KCNIP4: variants seen among roughly 807,000 people sequenced by gnomAD.
KCNIP4 encodes Kv channel-interacting protein 4.
In KCNIP4, 12 loss-of-function variants were observed where a neutral mutation model predicts 34.0. That is an observed-to-expected ratio of 0.35 (90% confidence interval 0.23 to 0.57). The LOEUF (loss-of-function observed/expected upper bound fraction) is 0.57. Among genes scored for constraint, KCNIP4 ranks in the 20% least tolerant of loss-of-function variants. The pLI is 0.83. For synonymous variants in KCNIP4, 124 were observed against 102.2 expected (o/e 1.21, Z -1.29); for missense variants, 238 against 311.7 (o/e 0.76, Z 1.78).
intron 1 of KCNIP4, among the ~76,000 whole-genome samples, chr4:21,938,966 C>G (rs757847226): frequency 5.9e-5 from 9 of 152,048 alleles, no homozygotes; most frequent in Non-Finnish European, 1.0e-4. Flanking sequence ...TAATAACATT[C>G]TCAAAAATAT....
At position 20,729,350 on chromosome 4, in the gene KCNIP4, C is replaced by CTGTAAGAAAGATTGAACAAAT. The variant is rs1553881375; in HGVS notation, c.*711_*731dup. ...AATGATTGATACAATAGAAAACAGCCTGTAAGAAAGATTGAACAAATCCAA... is the reference window on the plus strand; with the variant it reads ...AATGATTGATACAATAGAAAACAGCCTGTAAGAAAGATTGAACAAATTGTAAGAAAGATTGAACAAATCCAA... On this transcript the variant is annotated 3_prime_UTR_variant, in exon 9 of 9. Transcript: ENST00000382152. 18 of 152,078 alleles carry CTGTAAGAAAGATTGAACAAAT rather than the reference C, an allele frequency of 1.2e-4. No individual in the cohort carries two copies. Among genetic ancestry groups the CTGTAAGAAAGATTGAACAAAT allele is most frequent in the African/African-American group, 4.1e-4 (17 of 41,352 alleles). 9.4% of individuals were successfully genotyped at this position (152,078 alleles called of 1,614,324 possible).
At chr4:20,872,939 C>G (rs1323341771) in intron 2 of KCNIP4, among the ~76,000 whole-genome samples, 1 of 152,210 alleles carries the variant, frequency 6.6e-6, no homozygotes, top group Non-Finnish European at 1.5e-5. Flanking sequence ...AAACTACCAT[C>G]TCTCCCTAAC....
chr4:20,853,152 C>CA (rs1577254292), intron 2 of KCNIP4, among the ~76,000 whole-genome samples: 1 of 151,952 alleles, frequency 6.6e-6, no homozygotes, highest in African/African-American at 2.4e-5. Flanking sequence ...CATGTGGAAC[C>CA]AAAAAAGAGC....
chr4:21,283,055 T>C (rs1306602555), intron 1 of KCNIP4, among the ~76,000 whole-genome samples: 1 of 152,088 alleles, frequency 6.6e-6, no homozygotes, highest in South Asian at 2.1e-4. Flanking sequence ...AAATGCTAAG[T>C]AAAAAAGAAA....
intron 1 of KCNIP4, among the ~76,000 whole-genome samples, chr4:20,927,928 T>A (rs1468597465): frequency 6.6e-6 from 1 of 152,140 alleles, no homozygotes; most frequent in Non-Finnish European, 1.5e-5. Flanking sequence ...AAGCTTATTG[T>A]TTCTAGGGCT....
chr4:20,869,875 G>A (rs1415321825), intron 2 of KCNIP4, among the ~76,000 whole-genome samples: 1 of 151,994 alleles, frequency 6.6e-6, no homozygotes, highest in African/African-American at 2.4e-5. Flanking sequence ...GTGACCTTGG[G>A]CAAAGTGCTT....
At chr4:21,594,821 A>G (rs977191310) in intron 1 of KCNIP4, among the ~76,000 whole-genome samples, 1 of 152,096 alleles carries the variant, frequency 6.6e-6, no homozygotes, top group Non-Finnish European at 1.5e-5. Context: ...CAATGGAAGT[A>G]TACTGTCTCA....
At chr4:20,801,885 G>A (rs1714277880) in intron 3 of KCNIP4, among the ~76,000 whole-genome samples, 1 of 151,818 alleles carries the variant, frequency 6.6e-6, no homozygotes, top group Non-Finnish European at 1.5e-5. Context: ...AAAAGATGGA[G>A]TGGCTGAATG....
In KCNIP4 at chr4:21,848,694, G is replaced by A. The variant is rs964120603; in HGVS notation, c.61+99877C>T. On this transcript the variant is annotated intron_variant, in intron 1 of 8. Coordinates refer to ENST00000382152, the MANE Select transcript of KCNIP4 (RefSeq NM_025221.6). ...TCAAGAGAGGTTCTTGATCATCACC[G>A]CAGGTAAACATTATGGGTTAGATTT... is the stretch of plus-strand genomic sequence containing the variant. 3.9e-5 allele frequency: 6 copies of A among 152,094 alleles called. 1 individual carries two copies. The highest frequency in any genetic ancestry group is 4.1e-4 in the South Asian group (2 of 4,824). 9.4% of individuals were successfully genotyped at this position (152,094 alleles called of 1,614,324 possible).
At chr4:21,319,239 C>T (rs1714121963) in intron 1 of KCNIP4, among the ~76,000 whole-genome samples, 1 of 152,190 alleles carries the variant, frequency 6.6e-6, no homozygotes, top group Admixed American at 6.5e-5. Flanking sequence ...GCTTTGCTTA[C>T]AGCTTTGATC....
chr4:21,364,659 C>T (rs1356856595), intron 1 of KCNIP4, among the ~76,000 whole-genome samples: 1 of 151,670 alleles, frequency 6.6e-6, no homozygotes, highest in African/African-American at 2.4e-5. Flanking sequence ...GTCAATGCAC[C>T]TATATTATGG....
At chr4:20,766,055 G>T (rs1451593835) in intron 3 of KCNIP4, among the ~76,000 whole-genome samples, 1 of 152,100 alleles carries the variant, frequency 6.6e-6, no homozygotes, top group Non-Finnish European at 1.5e-5. Flanking sequence ...TGACAATGAT[G>T]ATACTGATGA....
Position 21,600,289 on chromosome 4 carries a change from A to T in KCNIP4, c.61+348282T>A, listed in dbSNP as rs576793355. Among the ~76,000 whole-genome samples, 27 of 152,246 alleles carry T rather than the reference A, an allele frequency of 1.8e-4. No individual in the cohort carries two copies. In the South Asian group the frequency reaches 5.6e-3, roughly 32 times the overall value. On this transcript the variant is annotated intron_variant, in intron 1 of 8. Coordinates refer to ENST00000382152, the MANE Select transcript of KCNIP4 (RefSeq NM_025221.6). ...TTGATCCAAAACTACCTAAATTTGGAATGAAGCTGCTCAAACTTTCATAAT... is the reference window on the plus strand; with the variant it reads ...TTGATCCAAAACTACCTAAATTTGGTATGAAGCTGCTCAAACTTTCATAAT...
chr4:21,431,833 C>A (rs1216363829), intron 1 of KCNIP4, among the ~76,000 whole-genome samples: 1 of 150,622 alleles, frequency 6.6e-6, no homozygotes, highest in Non-Finnish European at 1.5e-5. Flanking sequence ...ATGAGAAACA[C>A]AGATAGGGAA....
intron 1 of KCNIP4, among the ~76,000 whole-genome samples, chr4:21,619,461 G>C (rs917226296): frequency 3.9e-5 from 6 of 152,150 alleles, no homozygotes; most frequent in African/African-American, 1.4e-4. Context: ...GTTGTTAGCT[G>C]TACTGCATAC....
chr4:20,805,647 C>A (rs919948690), intron 3 of KCNIP4, among the ~76,000 whole-genome samples: 1 of 152,052 alleles, frequency 6.6e-6, no homozygotes, highest in Non-Finnish European at 1.5e-5. Flanking sequence ...GTTTCTTTCC[C>A]AATAAATGCC....
At chr4:21,212,589 C>G (rs1193580178) in intron 1 of KCNIP4, among the ~76,000 whole-genome samples, 1 of 152,138 alleles carries the variant, frequency 6.6e-6, no homozygotes, top group Non-Finnish European at 1.5e-5. Context: ...GAATATATTT[C>G]TCAGAGTACT....
At chr4:21,141,923 G>T (rs541054775) in intron 1 of KCNIP4, among the ~76,000 whole-genome samples, 1 of 151,532 alleles carries the variant, frequency 6.6e-6, no homozygotes, top group Non-Finnish European at 1.5e-5. Flanking sequence ...AGGCCGAGGT[G>T]TGTGGATCAC....
At chr4:20,870,984 T>C (rs561426632) in intron 2 of KCNIP4, among the ~76,000 whole-genome samples, 1 of 152,286 alleles carries the variant, frequency 6.6e-6, no homozygotes, top group Non-Finnish European at 1.5e-5. Context: ...TCACCTCTGA[T>C]GGCTTTGTAT....
Sources: allele counts gnomAD v4.1 joint callset (sites outside exome capture counted in the v4.1 genomes callset), GRCh38; gene constraint gnomAD v4.1.1; transcripts MANE v1.5; gene names NCBI Gene and HGNC (gene_info 2026-07-23, HGNC 2026-07-21).